ZNF532: variants seen among roughly 807,000 people sequenced by gnomAD.
ZNF532 encodes zinc finger protein 532.
Under a neutral mutation model 89.3 loss-of-function variants are expected in ZNF532, and 22 were observed. The ratio of observed to expected loss-of-function variants is 0.25; its 90% CI spans 0.18 to 0.35. ZNF532 has a LOEUF of 0.35. Ranked by LOEUF, ZNF532 falls within the 10% of genes least tolerant of loss-of-function variation. The probability of loss-of-function intolerance (pLI) is 1.00; values close to 1 mark genes in which losing one functional copy is unlikely to be tolerated. For missense variants in ZNF532, 1,132 were observed against 1,643.4 expected (o/e 0.69, Z 5.38); for synonymous variants, 606 against 649.6 (o/e 0.93, Z 1.02).
At position 58,915,800 on chromosome 18, in the gene ZNF532, C is replaced by G. The variant is rs113250039; in HGVS notation, c.-17-2471C>G. Among the ~76,000 whole-genome samples, 355 of 152,300 alleles carry G rather than the reference C, an allele frequency of 2.3e-3. 2 individuals are homozygous for G. The highest frequency in any genetic ancestry group is 7.9e-3 in the African/African-American group (329 of 41,558). ...TTCCTCATTCATGTGGTTGTATGTTCTGGGCCTCCCACCCACTGAGTATTT... is the reference window on the plus strand; with the variant it reads ...TTCCTCATTCATGTGGTTGTATGTTGTGGGCCTCCCACCCACTGAGTATTT... On this transcript the variant is annotated intron_variant, in intron 2 of 9. Coordinates refer to ENST00000591808, the MANE Select transcript of ZNF532 (RefSeq NM_001375912.1).
chr18:58,952,860 T>A (rs1260431323), intron 6 of ZNF532, among the ~76,000 whole-genome samples: 1 of 152,228 alleles, frequency 6.6e-6, no homozygotes, highest in Non-Finnish European at 1.5e-5. Context: ...ATGTTAATGA[T>A]GATAGTTAGC....
chr18:58,933,657 T>G (rs1206613142), intron 3 of ZNF532, among the ~76,000 whole-genome samples: 1 of 152,226 alleles, frequency 6.6e-6, no homozygotes, highest in African/African-American at 2.4e-5. Context: ...GTTTTGTGTT[T>G]TTAAAAATAT....
chr18:58,920,279 T>C lies in ZNF532; in HGVS notation c.1992T>C (p.His664=). 1 of 1,613,996 alleles carries C rather than the reference T, an allele frequency of 6.2e-7. No homozygotes were observed. The highest frequency in any genetic ancestry group is 1.3e-5 in the African/African-American group (1 of 75,058). ...VFYNKCSLLS[H]ARGHKEKGVV... is the part of the protein sequence containing the mutation. ...ACAACAAATGCAGCCTCCTTTCCCA[T>C]GCCCGTGGGCATAAGGAGAAAGGGG... The change falls in exon 3 of 10, where the codon CAT becomes CAC. Residue 664 remains histidine (H), a synonymous_variant. Transcript: ENST00000591808.
At chr18:58,936,882 A>C (rs1436952377) in intron 4 of ZNF532, among the ~76,000 whole-genome samples, 1 of 152,004 alleles carries the variant, frequency 6.6e-6, no homozygotes, top group Non-Finnish European at 1.5e-5. Flanking sequence ...CTCATTTTCA[A>C]TGTGTCTTTT....
intron 2 of ZNF532, among the ~76,000 whole-genome samples, chr18:58,878,653 G>A (rs1441378597): frequency 1.3e-5 from 2 of 152,252 alleles, no homozygotes; most frequent in African/African-American, 2.4e-5. Flanking sequence ...TGTGCATTGG[G>A]AGAGGCAGTA....
At chr18:58,917,156 C>A (rs1489040824) in intron 2 of ZNF532, among the ~76,000 whole-genome samples, 1 of 152,146 alleles carries the variant, frequency 6.6e-6, no homozygotes, top group Non-Finnish European at 1.5e-5. Flanking sequence ...CCTTCTCTTC[C>A]TGGCTGTTTG....
chr18:58,953,491 G>C, intron 6 of ZNF532, 27 bp from the exon 7 acceptor site: 3 of 1,583,250 alleles, frequency 1.9e-6, no homozygotes, highest in Non-Finnish European at 2.6e-6. Context: ...ATTTGTGATA[G>C]ATATTTCTTT....
chr18:58,879,170 G>A (rs1019814519), intron 2 of ZNF532, among the ~76,000 whole-genome samples: 1 of 152,096 alleles, frequency 6.6e-6, no homozygotes, highest in South Asian at 2.1e-4. Context: ...TGCTACAGTA[G>A]GAGCCATAGA....
Position 58,979,128 on chromosome 18 carries a change from G to A in ZNF532, c.3224G>A (p.Arg1075Gln). ...SSSHSLCRHN[R>Q]IKHKGIRKVY... Reference sequence around the variant, plus strand: ...TCCCACAGCCTGTGCCGGCACAACCGGATCAAGCACAAAGGCATCAGGAAA... The same window carrying A: ...TCCCACAGCCTGTGCCGGCACAACCAGATCAAGCACAAAGGCATCAGGAAA... The change falls in exon 8 of 10, where the codon CGG becomes CAG. Residue 1075 changes from arginine to glutamine, a missense_variant. By Grantham distance (43) the Arg-to-Gln change is conservative. Transcript: ENST00000591808. 5 of 1,613,306 alleles carry A rather than the reference G, an allele frequency of 3.1e-6. No homozygotes were observed. The highest frequency in any genetic ancestry group is 1.3e-5 in the African/African-American group (1 of 75,002).
intron 2 of ZNF532, among the ~76,000 whole-genome samples, chr18:58,902,096 G>T (rs1057133658): frequency 1.3e-5 from 2 of 152,080 alleles, no homozygotes; most frequent in Non-Finnish European, 2.9e-5. Context: ...ATGGTTTGGG[G>T]TTCCTGGCCC....
chr18:58,916,100 C>G (rs144241919), intron 2 of ZNF532, among the ~76,000 whole-genome samples: 2 of 152,328 alleles, frequency 1.3e-5, no homozygotes, highest in East Asian at 3.9e-4. Flanking sequence ...CTTGAGTTTT[C>G]TAATCACAGT....
intron 2 of ZNF532, among the ~76,000 whole-genome samples, chr18:58,904,984 G>A (rs1320493274): frequency 1.3e-5 from 2 of 151,852 alleles, no homozygotes; most frequent in Non-Finnish European, 2.9e-5. Flanking sequence ...TGAGACTACA[G>A]GTGCGTGACA....
intron 2 of ZNF532, among the ~76,000 whole-genome samples, chr18:58,913,197 G>T (rs1421544340): frequency 6.6e-6 from 1 of 152,158 alleles, no homozygotes; most frequent in Non-Finnish European, 1.5e-5. Flanking sequence ...AGATGTAAGA[G>T]ATTGGTGATG....
intron 7 of ZNF532, among the ~76,000 whole-genome samples, chr18:58,977,865 C>A (rs1200858050): frequency 6.6e-6 from 1 of 152,084 alleles, no homozygotes; most frequent in Non-Finnish European, 1.5e-5. Context: ...TGTAATCAAT[C>A]ATTTCTTTAT....
chr18:58,952,585 T>C (rs938714424), intron 6 of ZNF532, among the ~76,000 whole-genome samples: 1 of 152,122 alleles, frequency 6.6e-6, no homozygotes, highest in African/African-American at 2.4e-5. Flanking sequence ...ATTAATCTTT[T>C]TGTAGAGATG....
intron 9 of ZNF532, 93 bp downstream of exon 9, chr18:58,981,710 A>T: frequency 6.5e-7 from 1 of 1,527,406 alleles, no homozygotes; most frequent in South Asian, 1.2e-5. Flanking sequence ...TTGCATAGTT[A>T]CAGTTTTAAA....
rs762380383 is a variant in ZNF532 at position 58,979,076 on chromosome 18, C to T, written c.3172C>T (p.Arg1058Cys). The change falls in exon 8 of 10, where the codon CGC becomes TGC. Residue 1058 changes from arginine (R) to cysteine (C), a missense_variant. By Grantham distance (180) the Arg-to-Cys change is radical (BLOSUM62 -3). This residue lies in a region of ZNF532 where 415 missense variants were observed against 604.8 expected (regional missense o/e 0.69). Transcript: ENST00000591808. The part of the protein sequence containing the change: ...HGKQMKKHPC[R>C]QCDKSFSSSH... ...CCAGCAAATGAAGAAACACCCCTGCCGCCAGTGTGACAAGTCTTTCAGCTC... is the reference window on the plus strand; with the variant it reads ...CCAGCAAATGAAGAAACACCCCTGCTGCCAGTGTGACAAGTCTTTCAGCTC... The T allele has an allele frequency of 1.4e-5, 22 of 1,611,614 alleles. No individual in the cohort carries two copies. Among genetic ancestry groups the T allele is most frequent in the South Asian group, 3.3e-5 (3 of 90,956 alleles).
At chr18:58,951,084 T>G (rs886963426) in intron 6 of ZNF532, among the ~76,000 whole-genome samples, 1 of 151,602 alleles carries the variant, frequency 6.6e-6, no homozygotes, top group Non-Finnish European at 1.5e-5. Flanking sequence ...GCCCCCCGAA[T>G]AGCTGAGACT....
At chr18:58,960,029 C>T (rs1268834751) in intron 7 of ZNF532, among the ~76,000 whole-genome samples, 1 of 152,194 alleles carries the variant, frequency 6.6e-6, no homozygotes, top group African/African-American at 2.4e-5. Flanking sequence ...ACCTCCACCT[C>T]CCAGGTTCAA....
Sources: allele counts gnomAD v4.1 joint callset (sites outside exome capture counted in the v4.1 genomes callset), GRCh38; gene constraint gnomAD v4.1.1; regional missense constraint gnomAD v4.1.1; transcripts MANE v1.5; gene names NCBI Gene and HGNC (gene_info 2026-07-23, HGNC 2026-07-21).